The following CDKAL1 variants were observed in gnomAD, a reference collection of about 807,000 sequenced individuals.
CDKAL1 encodes threonylcarbamoyladenosine tRNA methylthiotransferase.
A neutral mutation model predicts 68.2 loss-of-function variants in CDKAL1; 32 were observed. The ratio of observed to expected loss-of-function variants is 0.47; its 90% CI spans 0.35 to 0.63. The LOEUF (loss-of-function observed/expected upper bound fraction) is 0.63. CDKAL1 is among the 30% of genes least tolerant of loss of function. The probability of loss-of-function intolerance (pLI) is 0.00; values close to 1 mark genes in which losing one functional copy is unlikely to be tolerated. For synonymous variants in CDKAL1, 234 were observed against 244.3 expected (o/e 0.96, Z 0.39); for missense variants, 606 against 696.7 (o/e 0.87, Z 1.47).
chr6:20,977,461 G>A (rs1189398580), intron 10 of CDKAL1, among the ~76,000 whole-genome samples: 2 of 152,156 alleles, frequency 1.3e-5, no homozygotes, highest in African/African-American at 2.4e-5. Context: ...GTGAACTTAG[G>A]CAAATTATAT....
chr6:20,683,147 G>A (rs1181587916), intron 5 of CDKAL1, among the ~76,000 whole-genome samples: 1 of 151,936 alleles, frequency 6.6e-6, no homozygotes, highest in Non-Finnish European at 1.5e-5. Flanking sequence ...TGAGTAATGT[G>A]TTAGGTACTT....
intron 12 of CDKAL1, among the ~76,000 whole-genome samples, chr6:21,082,020 G>T (rs529068402): frequency 6.9e-6 from 1 of 144,386 alleles, no homozygotes; most frequent in South Asian, 2.2e-4. Context: ...GTGTATTCAG[G>T]TCAATGGAAT....
intron 6 of CDKAL1, 132 bp downstream of exon 6, chr6:20,739,747 C>A: frequency 2.0e-6 from 1 of 503,988 alleles, no homozygotes; most frequent in South Asian, 3.3e-5. Flanking sequence ...ACATATTTTC[C>A]TTATTGTCCC....
chr6:20,543,630 T>C (rs1183239077), intron 2 of CDKAL1, among the ~76,000 whole-genome samples: 1 of 152,156 alleles, frequency 6.6e-6, no homozygotes, highest in African/African-American at 2.4e-5. Flanking sequence ...TTTTATGGAT[T>C]GTGCTTTTGG....
intron 12 of CDKAL1, among the ~76,000 whole-genome samples, chr6:21,096,167 C>A (rs1023760750): frequency 1.3e-5 from 2 of 152,140 alleles, no homozygotes; most frequent in Non-Finnish European, 2.9e-5. Context: ...GAACAATTTT[C>A]GAGCTTCTCT....
chr6:21,177,124 T>G (rs1002642446), intron 13 of CDKAL1, among the ~76,000 whole-genome samples: 1 of 152,236 alleles, frequency 6.6e-6, no homozygotes, highest in Non-Finnish European at 1.5e-5. Flanking sequence ...CCTTCTCAAA[T>G]TGGAATCATA....
chr6:20,702,078 C>T (rs573182533), intron 5 of CDKAL1, among the ~76,000 whole-genome samples: 1 of 152,276 alleles, frequency 6.6e-6, no homozygotes, highest in Admixed American at 6.5e-5. Flanking sequence ...TCCTTCTTTT[C>T]TTCCCTACTC....
chr6:20,754,306 A>G (rs1428133606), intron 6 of CDKAL1, among the ~76,000 whole-genome samples: 10 of 152,064 alleles, frequency 6.6e-5, no homozygotes, highest in Non-Finnish European at 1.5e-4. Flanking sequence ...GTTGGTAGTC[A>G]TCCTACTGGG....
intron 10 of CDKAL1, among the ~76,000 whole-genome samples, chr6:20,971,180 A>T (rs1765580320): frequency 6.6e-6 from 1 of 152,230 alleles, no homozygotes; most frequent in African/African-American, 2.4e-5. Flanking sequence ...ACTTTTATTA[A>T]GAACCAAATC....
intron 2 of CDKAL1, among the ~76,000 whole-genome samples, chr6:20,537,346 C>G (rs1385092603): frequency 6.6e-6 from 1 of 152,186 alleles, no homozygotes; most frequent in African/African-American, 2.4e-5. Context: ...GTGGCTCACG[C>G]CTGTAATCCC....
chr6:20,656,844 A>G (rs1338575841), intron 5 of CDKAL1, among the ~76,000 whole-genome samples: 1 of 152,182 alleles, frequency 6.6e-6, no homozygotes, highest in Non-Finnish European at 1.5e-5. Flanking sequence ...TTAATGTACT[A>G]TTCTGCTTGA....
At chr6:20,732,732 A>G (rs1404523116) in intron 5 of CDKAL1, among the ~76,000 whole-genome samples, 1 of 152,078 alleles carries the variant, frequency 6.6e-6, no homozygotes, top group Non-Finnish European at 1.5e-5. Flanking sequence ...CGAGCACCAC[A>G]GTCACCATTT....
At chr6:20,695,731 T>C (rs1771078625) in intron 5 of CDKAL1, among the ~76,000 whole-genome samples, 1 of 151,818 alleles carries the variant, frequency 6.6e-6, no homozygotes, top group African/African-American at 2.4e-5. Flanking sequence ...CTGGTTTTTA[T>C]TGATTTTTTT....
chr6:20,948,494 T>A (rs1164225448), intron 9 of CDKAL1, among the ~76,000 whole-genome samples: 1 of 152,242 alleles, frequency 6.6e-6, no homozygotes, highest in Non-Finnish European at 1.5e-5. Flanking sequence ...TTTGTTAGTC[T>A]TGAAATCTCG....
chr6:21,021,068 A>G (rs1259749950), intron 11 of CDKAL1, among the ~76,000 whole-genome samples: 1 of 152,196 alleles, frequency 6.6e-6, no homozygotes, highest in Non-Finnish European at 1.5e-5. Flanking sequence ...AGTAATCAAA[A>G]TCACAATACT....
At chr6:21,170,351 T>C (rs1195781649) in intron 13 of CDKAL1, among the ~76,000 whole-genome samples, 2 of 152,128 alleles carry the variant, frequency 1.3e-5, no homozygotes, top group African/African-American at 2.4e-5. Flanking sequence ...TTGGTTTGTT[T>C]TGAGATGGAG....
chr6:20,843,305 T>G (rs770057913), intron 8 of CDKAL1, among the ~76,000 whole-genome samples: 31 of 152,196 alleles, frequency 2.0e-4, no homozygotes, highest in Non-Finnish European at 3.1e-4. Context: ...AATATGTTTC[T>G]TTTCTCTTTT....
Position 21,111,238 on chromosome 6 carries a change from G to A in CDKAL1, c.1299+2775G>A, listed in dbSNP as rs1050522004. On this transcript the variant is annotated intron_variant, in intron 13 of 15. Coordinates refer to ENST00000274695, the MANE Select transcript of CDKAL1 (RefSeq NM_017774.3). ...TTTTAATGTTCATTTTCCCCTTGAC[G>A]TAAGTTTATGCCAAAAAAAGAATAG... Among the ~76,000 whole-genome samples, 14 of 152,168 alleles carry A rather than the reference G, an allele frequency of 9.2e-5. No homozygotes were observed. The South Asian group carries it at 2.1e-3, about 23-fold the overall frequency.
chr6:20,856,164 C>T (rs146591481), intron 9 of CDKAL1, among the ~76,000 whole-genome samples: 8 of 152,310 alleles, frequency 5.3e-5, no homozygotes, highest in East Asian at 1.9e-4. Flanking sequence ...CTCAGGAGCA[C>T]GTGTTTCCCA....
Sources: gnomAD v4.1 joint callset for allele counts (sites outside exome capture counted in the v4.1 genomes callset) on GRCh38, gnomAD v4.1.1 for gene constraint, MANE v1.5 for transcripts, NCBI Gene and HGNC (gene_info 2026-07-23, HGNC 2026-07-21) for gene names.